Variants in CEP112 observed in about 807,000 individuals in gnomAD.
CEP112 encodes the protein centrosomal protein of 112 kDa.
Under a neutral mutation model 153.0 loss-of-function variants are expected in CEP112, and 127 were observed. The observed-to-expected ratio is 0.83, with a 90% CI of 0.72 to 0.96. The LOEUF is 0.96. Among genes scored for constraint, CEP112 ranks in the 40% least tolerant of loss-of-function variants. CEP112 has a pLI of 0.00. For synonymous variants in CEP112, 358 were observed against 374.4 expected, an observed-to-expected ratio of 0.96 and a Z score of 0.51; for missense variants, 1,089 against 1,101.2, an observed-to-expected ratio of 0.99 and a Z score of 0.16.
intron 25 of CEP112, among the ~76,000 whole-genome samples, chr17:65,638,032 C>T (rs957054722): frequency 5.3e-5 from 8 of 152,170 alleles, no homozygotes; most frequent in Non-Finnish European, 1.0e-4. Context: ...TACTTAAGCT[C>T]TTGATGCTTA....
intron 19 of CEP112, among the ~76,000 whole-genome samples, chr17:65,925,789 A>G (rs971300771): frequency 6.6e-6 from 1 of 152,194 alleles, no homozygotes; most frequent in Non-Finnish European, 1.5e-5. Flanking sequence ...CAAATGCTCA[A>G]AATATTTCCT....
chr17:65,812,743 G>C (rs1343092818), intron 21 of CEP112, among the ~76,000 whole-genome samples: 1 of 152,042 alleles, frequency 6.6e-6, no homozygotes. Context: ...ACAATGATAA[G>C]GCAATCTGGC....
chr17:65,793,983 T>C (rs1223270850), intron 21 of CEP112, among the ~76,000 whole-genome samples: 2 of 152,204 alleles, frequency 1.3e-5, no homozygotes, highest in East Asian at 1.9e-4. Context: ...AAAAGAATGA[T>C]AGTTTTCTTG....
intron 20 of CEP112, among the ~76,000 whole-genome samples, chr17:65,898,332 T>C (rs900113017): frequency 9.2e-5 from 14 of 152,286 alleles, no homozygotes; most frequent in Admixed American, 9.2e-4. Context: ...ACACTCAGTT[T>C]ATAAATGGAG....
chr17:65,817,111 G>A (rs776236170), intron 21 of CEP112, among the ~76,000 whole-genome samples: 2 of 151,762 alleles, frequency 1.3e-5, no homozygotes, highest in Non-Finnish European at 2.9e-5. Context: ...TATTTTGTGT[G>A]TGAACAAACA....
intron 17 of CEP112, among the ~76,000 whole-genome samples, chr17:65,986,142 T>G (rs1256702630): frequency 6.6e-6 from 1 of 151,788 alleles, no homozygotes; most frequent in African/African-American, 2.4e-5. Flanking sequence ...CTCCCCCAAG[T>G]GCTCACTAAA....
At chr17:65,645,684 G>T (rs2045392599) in intron 24 of CEP112, among the ~76,000 whole-genome samples, 1 of 152,188 alleles carries the variant, frequency 6.6e-6, no homozygotes, top group African/African-American at 2.4e-5. Flanking sequence ...TTGACACTGT[G>T]AAGAGCTGTT....
intron 16 of CEP112, among the ~76,000 whole-genome samples, chr17:66,023,434 A>C (rs1448407171): frequency 2.6e-5 from 4 of 152,166 alleles, no homozygotes; most frequent in Non-Finnish European, 2.9e-5. Context: ...GCTTAAAAAG[A>C]AACTGTCAAC....
At chr17:66,160,048 A>G (rs2071630270) in intron 4 of CEP112, among the ~76,000 whole-genome samples, 1 of 152,176 alleles carries the variant, frequency 6.6e-6, no homozygotes, top group Non-Finnish European at 1.5e-5. Flanking sequence ...TACACCAATA[A>G]CAGACAAACA....
At chr17:66,039,302 C>T (rs1169147092) in intron 12 of CEP112, among the ~76,000 whole-genome samples, 2 of 152,066 alleles carry the variant, frequency 1.3e-5, no homozygotes, top group African/African-American at 4.8e-5. Context: ...TACATACAAA[C>T]TTAATTCGAA....
At chr17:65,962,300 A>C (rs770225431) in intron 17 of CEP112, among the ~76,000 whole-genome samples, 44 of 152,158 alleles carry the variant, frequency 2.9e-4, no homozygotes, top group Non-Finnish European at 5.7e-4. Context: ...ATGTACAAAT[A>C]GAAAGATGTA....
rs193260516 is a variant in CEP112, at chr17:65,734,566, T to G, written c.2607+8502A>C. Among the ~76,000 whole-genome samples the G allele has an allele frequency of 1.3e-5, 2 of 152,336 alleles. 1 individual carries two copies. Among genetic ancestry groups the G allele is most frequent in the South Asian group, 4.1e-4 (2 of 4,826 alleles). The stretch of plus-strand genomic sequence containing the variant: ...TATAATATTTTAATAGAAAAATAAC[T>G]ATTTTCCAAAGCAAAAAAAATTAGT... On this transcript the variant is annotated intron_variant, in intron 23 of 26. Transcript: ENST00000535342.
chr17:65,769,333 C>T (rs1230919686), intron 21 of CEP112, among the ~76,000 whole-genome samples: 1 of 151,908 alleles, frequency 6.6e-6, no homozygotes, highest in Non-Finnish European at 1.5e-5. Flanking sequence ...TTTTAAATGT[C>T]CATACTACTC....
At chr17:65,690,482 T>C (rs1189700260) in intron 23 of CEP112, among the ~76,000 whole-genome samples, 2 of 124,982 alleles carry the variant, frequency 1.6e-5, no homozygotes, top group Non-Finnish European at 3.4e-5. Context: ...TATAATGGGG[T>C]GGAGGTAGGC....
chr17:66,019,952 C>T (rs916549578), intron 16 of CEP112, among the ~76,000 whole-genome samples: 2 of 152,200 alleles, frequency 1.3e-5, no homozygotes, highest in African/African-American at 4.8e-5. Context: ...AGAAAGATTT[C>T]CTTTCTAGGT....
At chr17:66,159,778 T>G (rs2071615099) in intron 4 of CEP112, among the ~76,000 whole-genome samples, 1 of 152,136 alleles carries the variant, frequency 6.6e-6, no homozygotes, top group Non-Finnish European at 1.5e-5. Context: ...AGTATTCCCT[T>G]TGAAAACCGG....
At chr17:66,109,729 C>T (rs2068940002) in intron 6 of CEP112, among the ~76,000 whole-genome samples, 1 of 152,014 alleles carries the variant, frequency 6.6e-6, no homozygotes, top group African/African-American at 2.4e-5. Context: ...TAAATGTGAT[C>T]CAAACCAGAA....
chr17:65,916,248 AGAGT>A (rs1460378896), intron 19 of CEP112, among the ~76,000 whole-genome samples: 118 of 106,346 alleles, frequency 1.1e-3, no homozygotes, highest in African/African-American at 3.9e-3. Context: ...GTTTTGAAAA[AGAGT>A]GTGTGTGTGT....
intron 17 of CEP112, among the ~76,000 whole-genome samples, chr17:65,972,065 C>A (rs2062861564): frequency 6.6e-6 from 1 of 152,144 alleles, no homozygotes; most frequent in Non-Finnish European, 1.5e-5. Context: ...CTAATGGACA[C>A]TTATGGACTA....
Sources: gnomAD v4.1 joint callset for allele counts (sites outside exome capture counted in the v4.1 genomes callset) on GRCh38, gnomAD v4.1.1 for gene constraint, MANE v1.5 for transcripts, NCBI Gene and HGNC (gene_info 2026-07-23, HGNC 2026-07-21) for gene names.